The following RALGPS2 variants were observed in gnomAD, a reference collection of about 807,000 sequenced individuals.
The protein encoded by RALGPS2 is ras-specific guanine nucleotide-releasing factor RalGPS2.
A neutral mutation model predicts 86.8 loss-of-function variants in RALGPS2; 43 were observed. The ratio of observed to expected loss-of-function variants is 0.50; its 90% CI spans 0.39 to 0.64. RALGPS2 has a LOEUF of 0.64. Among genes scored for constraint, RALGPS2 ranks in the 30% least tolerant of loss-of-function variants. RALGPS2 has a pLI of 0.00. For synonymous variants in RALGPS2, 243 were observed against 231.3 expected, an observed-to-expected ratio of 1.05 and a Z score of -0.46; for missense variants, 536 against 694.6, an observed-to-expected ratio of 0.77 and a Z score of 2.57.
rs1466962610 is a variant in RALGPS2 at position 178,736,860 on chromosome 1, G to C, written c.-84+11441G>C. Among the ~76,000 whole-genome samples the C allele has an allele frequency of 2.0e-5, 3 of 152,100 alleles. No individual in the cohort carries two copies. The East Asian group carries it at 5.8e-4, about 29-fold the overall frequency. The stretch of plus-strand genomic sequence containing the variant: ...CTGCAGTGGCCATGATCGAGCCACT[G>C]CACTCCAGCCTGGGCAACAGAAGGA... On this transcript the variant is annotated intron_variant, in intron 1 of 19. Transcript: ENST00000367635.
chr1:178,803,071 C>A (rs1426591007), intron 4 of RALGPS2, among the ~76,000 whole-genome samples: 3 of 152,140 alleles, frequency 2.0e-5, no homozygotes, highest in Non-Finnish European at 4.4e-5. Flanking sequence ...GTGAAACTTA[C>A]ATTCATTTCT....
chr1:178,849,663 A>G (rs967553121), intron 8 of RALGPS2: 2 of 152,230 alleles, frequency 1.3e-5, no homozygotes, highest in African/African-American at 2.4e-5. Context: ...CTGAAAAACC[A>G]GTTTAAGATG....
At chr1:178,837,097 T>TA (rs1242457462) in intron 8 of RALGPS2, among the ~76,000 whole-genome samples, 4 of 152,198 alleles carry the variant, frequency 2.6e-5, no homozygotes, top group Admixed American at 6.5e-5. Context: ...CTTCTTTTCT[T>TA]ACTCTATATA....
At chr1:178,817,964 A>G (rs967213617) in intron 6 of RALGPS2, among the ~76,000 whole-genome samples, 5 of 152,182 alleles carry the variant, frequency 3.3e-5, no homozygotes, top group African/African-American at 7.2e-5. Flanking sequence ...TGACTTTTCT[A>G]CCTTTAAACA....
chr1:178,867,226 A>G (rs562536311), intron 8 of RALGPS2, among the ~76,000 whole-genome samples: 1 of 152,218 alleles, frequency 6.6e-6, no homozygotes, highest in African/African-American at 2.4e-5. Flanking sequence ...AGCCATTTTC[A>G]TGTTTTACTT....
chr1:178,726,627 T>G (rs980131580), intron 1 of RALGPS2, among the ~76,000 whole-genome samples: 11 of 152,172 alleles, frequency 7.2e-5, no homozygotes, highest in African/African-American at 2.7e-4. Context: ...AGCAGTTAAT[T>G]GAGCTTTATC....
intron 1 of RALGPS2, among the ~76,000 whole-genome samples, chr1:178,767,098 T>C (rs1413278931): frequency 6.6e-6 from 1 of 152,214 alleles, no homozygotes; most frequent in African/African-American, 2.4e-5. Context: ...ATTTCATCTT[T>C]TATCTCCTGT....
At chr1:178,757,744 G>A (rs907649265) in intron 1 of RALGPS2, among the ~76,000 whole-genome samples, 3 of 151,966 alleles carry the variant, frequency 2.0e-5, no homozygotes, top group Non-Finnish European at 4.4e-5. Context: ...ATATTGGCCT[G>A]CAGTTTACTT....
chr1:178,770,340 G>A (rs1467012772), intron 1 of RALGPS2, among the ~76,000 whole-genome samples: 1 of 151,788 alleles, frequency 6.6e-6, no homozygotes, highest in African/African-American at 2.4e-5. Flanking sequence ...TGATCTTTAT[G>A]CACTATCTTG....
chr1:178,775,618 G>A (rs1371103867), intron 1 of RALGPS2, among the ~76,000 whole-genome samples: 6 of 152,126 alleles, frequency 3.9e-5, no homozygotes, highest in Non-Finnish European at 8.8e-5. Flanking sequence ...TTCCAGTAAA[G>A]TGGAAAATCT....
chr1:178,837,425 G>A (rs1365781871), intron 8 of RALGPS2, among the ~76,000 whole-genome samples: 1 of 152,152 alleles, frequency 6.6e-6, no homozygotes, highest in Non-Finnish European at 1.5e-5. Context: ...TATTGACACT[G>A]CGGTACCACA....
rs1312606260 is a variant in RALGPS2, at chr1:178,913,500, AAG to A, written c.1723-2828_1723-2827del. 2.0e-5 allele frequency among the ~76,000 whole-genome samples: 3 copies of A among 152,176 alleles called. No individual in the cohort carries two copies. The East Asian group carries it at 5.8e-4, about 29-fold the overall frequency. On this transcript the variant is annotated intron_variant, in intron 19 of 19. Coordinates refer to ENST00000367635, the MANE Select transcript of RALGPS2 (RefSeq NM_152663.5). ...CAAAGTCTGTCATTTCAGTCTGGTT[AAG>A]AACCATTGCTGGGAACCTATTGTAG...
chr1:178,809,021 A>G (rs1572354004), intron 5 of RALGPS2, among the ~76,000 whole-genome samples: 1 of 152,074 alleles, frequency 6.6e-6, no homozygotes, highest in East Asian at 1.9e-4. Context: ...TAATTTAAAA[A>G]GAATGTTTTG....
chr1:178,892,335 C>G, intron 15 of RALGPS2, 28 bp downstream of exon 15: 1 of 1,588,038 alleles, frequency 6.3e-7, no homozygotes, highest in Non-Finnish European at 8.6e-7. Flanking sequence ...TCAGGGGTCA[C>G]AGAACTCCCT....
At chr1:178,796,840 T>G (rs1175492380) in intron 4 of RALGPS2, among the ~76,000 whole-genome samples, 2 of 152,198 alleles carry the variant, frequency 1.3e-5, no homozygotes, top group African/African-American at 4.8e-5. Flanking sequence ...AAAATTGGGC[T>G]TAGTAGTTTC....
intron 8 of RALGPS2, chr1:178,852,531 A>C: frequency 1.4e-6 from 1 of 715,452 alleles, no homozygotes; most frequent in South Asian, 2.6e-5. Context: ...AAATCCTAAA[A>C]GCTATTTCTT....
chr1:178,761,233 C>T (rs1478900254), intron 1 of RALGPS2, among the ~76,000 whole-genome samples: 1 of 152,106 alleles, frequency 6.6e-6, no homozygotes, highest in African/African-American at 2.4e-5. Flanking sequence ...ACCTTGGCCT[C>T]CCAAAGTGCT....
At chr1:178,889,597 G>A in intron 13 of RALGPS2, 45 bp from the exon 14 acceptor site, 2 of 1,249,082 alleles carry the variant, frequency 1.6e-6, no homozygotes, top group South Asian at 1.2e-5. Context: ...GCAAACTAGA[G>A]AGGTAATTCT....
intron 8 of RALGPS2, among the ~76,000 whole-genome samples, chr1:178,856,202 GAT>G (rs55797277): frequency 0.31 from 25,307 of 82,354 alleles, 2,893 homozygotes; most frequent in Middle Eastern, 0.45. Flanking sequence ...GAGAGAGAGA[GAT>G]ATATATATAT....
Sources: allele counts gnomAD v4.1 joint callset (sites outside exome capture counted in the v4.1 genomes callset), GRCh38; gene constraint gnomAD v4.1.1; transcripts MANE v1.5; gene names NCBI Gene and HGNC (gene_info 2026-07-23, HGNC 2026-07-21).